The following SUCLG2 variants were observed in gnomAD, a reference collection of about 807,000 sequenced individuals.
SUCLG2 encodes succinate--CoA ligase [GDP-forming] subunit beta, mitochondrial.
SUCLG2 carries 42 observed loss-of-function variants against 47.9 expected under a neutral mutation model. The observed-to-expected ratio is 0.88, with a 90% CI of 0.69 to 1.14. The LOEUF (loss-of-function observed/expected upper bound fraction) is 1.14, where lower values mean the gene tolerates loss of function less well. Among genes scored for constraint, SUCLG2 ranks in the 50% most tolerant of loss-of-function variants. The pLI is 0.00. For synonymous variants in SUCLG2, 195 were observed against 197.3 expected, an observed-to-expected ratio of 0.99 and a Z score of 0.10; for missense variants, 571 against 525.9, an observed-to-expected ratio of 1.09 and a Z score of -0.84.
chr3:67,499,948 G>A (rs968332116), intron 7 of SUCLG2, among the ~76,000 whole-genome samples: 3 of 152,024 alleles, frequency 2.0e-5, no homozygotes, highest in Non-Finnish European at 4.4e-5. Context: ...AGCCAGGATG[G>A]TCTCGATCTC....
intron 1 of SUCLG2, among the ~76,000 whole-genome samples, chr3:67,625,254 G>A (rs938498753): frequency 2.0e-5 from 3 of 152,150 alleles, no homozygotes; most frequent in Non-Finnish European, 2.9e-5. Context: ...TCGAAGGCTC[G>A]GTGGGTCATC....
At chr3:67,435,692 T>C (rs1439469906) in intron 9 of SUCLG2, among the ~76,000 whole-genome samples, 1 of 152,194 alleles carries the variant, frequency 6.6e-6, no homozygotes, top group African/African-American at 2.4e-5. Context: ...ATTTTTTAGA[T>C]GTGATTTTCT....
At chr3:67,653,312 A>G (rs1308663000) in intron 1 of SUCLG2, among the ~76,000 whole-genome samples, 2 of 152,214 alleles carry the variant, frequency 1.3e-5, no homozygotes, top group African/African-American at 4.8e-5. Flanking sequence ...AGTTTTAATT[A>G]GACAAAACTG....
intron 7 of SUCLG2, among the ~76,000 whole-genome samples, chr3:67,499,009 G>A (rs1011313828): frequency 2.6e-5 from 4 of 152,176 alleles, no homozygotes; most frequent in African/African-American, 9.7e-5. Context: ...TGCAGGAATT[G>A]TGCAATATGA....
At chr3:67,396,698 A>G (rs181365108) in intron 10 of SUCLG2, among the ~76,000 whole-genome samples, 206 of 152,306 alleles carry the variant, frequency 1.4e-3, no homozygotes, top group Middle Eastern at 3.4e-3. Context: ...CTGATACCAA[A>G]GCCTGGCAGA....
At chr3:67,464,234 T>TA (rs1395106311) in intron 9 of SUCLG2, among the ~76,000 whole-genome samples, 1 of 152,098 alleles carries the variant, frequency 6.6e-6, no homozygotes, top group Non-Finnish European at 1.5e-5. Flanking sequence ...GCACTTTACT[T>TA]AAAGTATAAG....
At chr3:67,581,781 C>T (rs779901917) in intron 2 of SUCLG2, among the ~76,000 whole-genome samples, 6 of 152,114 alleles carry the variant, frequency 3.9e-5, no homozygotes, top group African/African-American at 9.7e-5. Flanking sequence ...AAAGTACCTA[C>T]GGGAGGAAAG....
chr3:67,636,302 G>C (rs1701008351), intron 1 of SUCLG2, among the ~76,000 whole-genome samples: 1 of 151,852 alleles, frequency 6.6e-6, no homozygotes, highest in African/African-American at 2.4e-5. Context: ...GTCTAGAAAA[G>C]GAGAAGATTC....
chr3:67,515,317 G>C (rs1010462331), intron 6 of SUCLG2, among the ~76,000 whole-genome samples: 1 of 152,096 alleles, frequency 6.6e-6, no homozygotes, highest in Non-Finnish European at 1.5e-5. Context: ...GCATCCACTG[G>C]AAGTCTTGGG....
At chr3:67,644,851 TA>T (rs1447743066) in intron 1 of SUCLG2, among the ~76,000 whole-genome samples, 1 of 152,114 alleles carries the variant, frequency 6.6e-6, no homozygotes, top group Non-Finnish European at 1.5e-5. Flanking sequence ...CTCAACACCC[TA>T]AAAGTCAATC....
intron 10 of SUCLG2, among the ~76,000 whole-genome samples, chr3:67,388,002 C>A (rs1008733106): frequency 6.6e-6 from 1 of 151,986 alleles, no homozygotes; most frequent in Non-Finnish European, 1.5e-5. Flanking sequence ...AAGACAATAT[C>A]TATAAAATGG....
chr3:67,609,537 C>T lies in SUCLG2; in HGVS notation c.144G>A (p.Leu48=). The T allele has an allele frequency of 6.2e-7, 1 of 1,613,926 alleles. No individual in the cohort carries two copies. Among genetic ancestry groups the T allele is most frequent in the Non-Finnish European group, 8.5e-7 (1 of 1,179,912 alleles). The change falls in exon 2 of 11, where the codon CTG becomes CTA. Residue 48 remains leucine, a synonymous_variant. Coordinates refer to ENST00000307227, the MANE Select transcript of SUCLG2 (RefSeq NM_003848.4). ...LNLQEYQSKK[L]MSDNGVRVQR... is the part of the protein sequence containing the mutation. ...GAACTCTCACTCCGTTGTCAGACAT[C>T]AGTTTCTTGCTCTGGTATTCCTGCA...
intron 9 of SUCLG2, among the ~76,000 whole-genome samples, chr3:67,454,555 A>T (rs1170961836): frequency 6.6e-6 from 1 of 152,178 alleles, no homozygotes; most frequent in African/African-American, 2.4e-5. Flanking sequence ...CTATACATAT[A>T]TAGATAGATG....
chr3:67,579,887 T>A (rs897880119), intron 2 of SUCLG2, among the ~76,000 whole-genome samples: 1 of 152,292 alleles, frequency 6.6e-6, no homozygotes, highest in Admixed American at 6.5e-5. Context: ...AAATGGTACC[T>A]ATTATTCTGA....
intron 2 of SUCLG2, among the ~76,000 whole-genome samples, chr3:67,548,923 A>G (rs902036141): frequency 2.0e-5 from 3 of 152,192 alleles, no homozygotes; most frequent in African/African-American, 7.2e-5. Context: ...CCACTTCCAA[A>G]TCAGAATACT....
chr3:67,611,152 T>TATAC (rs1700520471), intron 1 of SUCLG2, among the ~76,000 whole-genome samples: 1 of 152,222 alleles, frequency 6.6e-6, no homozygotes, highest in Non-Finnish European at 1.5e-5. Context: ...TAATATAATG[T>TATAC]ATACATGCTG....
At chr3:67,551,781 A>G (rs1707021002) in intron 2 of SUCLG2, among the ~76,000 whole-genome samples, 1 of 152,144 alleles carries the variant, frequency 6.6e-6, no homozygotes, top group African/African-American at 2.4e-5. Context: ...ACCACTGGCT[A>G]TGCACCAGGA....
At chr3:67,576,659 CT>C (rs1406756496) in intron 2 of SUCLG2, among the ~76,000 whole-genome samples, 1 of 152,174 alleles carries the variant, frequency 6.6e-6, no homozygotes, top group Non-Finnish European at 1.5e-5. Flanking sequence ...AAATAGAAAC[CT>C]TCTCGAAGAA....
chr3:67,543,854 T>C (rs934558741), intron 2 of SUCLG2, among the ~76,000 whole-genome samples: 3 of 152,196 alleles, frequency 2.0e-5, no homozygotes, highest in African/African-American at 7.2e-5. Context: ...TTCATAGTAG[T>C]TTGTCTTGAA....
Sources: gnomAD v4.1 joint callset for allele counts (sites outside exome capture counted in the v4.1 genomes callset) on GRCh38, gnomAD v4.1.1 for gene constraint, MANE v1.5 for transcripts, NCBI Gene and HGNC (gene_info 2026-07-23, HGNC 2026-07-21) for gene names.